Variants in SHROOM3 observed in about 807,000 individuals in gnomAD.
SHROOM3 encodes the protein protein Shroom3.
A neutral mutation model predicts 138.6 loss-of-function variants in SHROOM3; 47 were observed. The observed-to-expected ratio is 0.34, with a 90% CI of 0.27 to 0.43. The LOEUF is 0.43. SHROOM3 is among the 20% of genes least tolerant of loss of function. The pLI, the probability that SHROOM3 is intolerant of heterozygous loss-of-function variation, is 1.00. For missense variants in SHROOM3, 2,491 were observed against 2,596.5 expected, an observed-to-expected ratio of 0.96 and a Z score of 0.88; for synonymous variants, 1,062 against 1,063.3, an observed-to-expected ratio of 1.00 and a Z score of 0.02.
At chr4:76,528,544 C>CTTTTTTTTTTTTTTTTT (rs146962643) in intron 1 of SHROOM3, among the ~76,000 whole-genome samples, 5 of 103,450 alleles carry the variant, frequency 4.8e-5, no homozygotes, top group Admixed American at 2.2e-4. Flanking sequence ...ATCTTTCTTT[C>CTTTTTTTTTTTTTTTTT]TTTCTTTTTT....
rs1733474083 is a variant in SHROOM3 at position 76,555,836 on chromosome 4, G to T, written c.323+73G>T. Reference sequence around the variant, plus strand: ...TCTCTCCCTACCCTACCCCACCTCTGGGAAAAGAGCTCGGGGTTGGTAGCT... The same window carrying T: ...TCTCTCCCTACCCTACCCCACCTCTTGGAAAAGAGCTCGGGGTTGGTAGCT... On this transcript the variant is annotated intron_variant, in intron 2 of 10. Coordinates refer to ENST00000296043, the MANE Select transcript of SHROOM3 (RefSeq NM_020859.4). 5.2e-6 allele frequency: 8 copies of T among 1,542,420 alleles called. No homozygotes were observed. In the East Asian group the frequency reaches 1.6e-4, roughly 31 times the overall value.
intron 1 of SHROOM3, among the ~76,000 whole-genome samples, chr4:76,537,118 T>A (rs976512646): frequency 3.6e-4 from 55 of 151,892 alleles, no homozygotes; most frequent in African/African-American, 1.2e-3. Flanking sequence ...ATCTCAAAAA[T>A]AATAATAATA....
chr4:76,472,764 A>G (rs1731403493), intron 1 of SHROOM3, among the ~76,000 whole-genome samples: 1 of 151,504 alleles, frequency 6.6e-6, no homozygotes, highest in African/African-American at 2.4e-5. Flanking sequence ...GCGTGATCTC[A>G]GCTCACTGCA....
chr4:76,445,023 G>C (rs1224944041), intron 1 of SHROOM3, among the ~76,000 whole-genome samples: 1 of 151,804 alleles, frequency 6.6e-6, no homozygotes, highest in Non-Finnish European at 1.5e-5. Flanking sequence ...CTTGAGCCCA[G>C]GAGGTGGAGA....
intron 3 of SHROOM3, among the ~76,000 whole-genome samples, chr4:76,717,921 A>T (rs140822825): frequency 3.3e-5 from 5 of 152,216 alleles, no homozygotes; most frequent in Non-Finnish European, 7.3e-5. Flanking sequence ...TTATAATTCA[A>T]ATTCAACTTT....
rs930040928 is a variant in SHROOM3 at position 76,782,031 on chromosome 4, G to A, written c.*2854G>A. 5 of 152,194 alleles carry A rather than the reference G, an allele frequency of 3.3e-5. No individual in the cohort carries two copies. The highest frequency in any genetic ancestry group is 7.3e-5 in the Non-Finnish European group (5 of 68,042). The allele number at this position is 152,194 out of a possible 1,614,324, so 9.4% of individuals were successfully genotyped here. ...AGCCACCCGCAAGGTTCCAGGAAAG[G>A]ACAATGTCCTGCGAGAAAATCAGGA... is the stretch of plus-strand genomic sequence containing the variant. On this transcript the variant is annotated 3_prime_UTR_variant, in exon 11 of 11. Coordinates refer to ENST00000296043, the MANE Select transcript of SHROOM3 (RefSeq NM_020859.4).
intron 1 of SHROOM3, among the ~76,000 whole-genome samples, chr4:76,478,096 C>G (rs1016580587): frequency 6.6e-6 from 1 of 152,086 alleles, no homozygotes; most frequent in Non-Finnish European, 1.5e-5. Flanking sequence ...TTTTTCATAC[C>G]CCAGTGGTGC....
chr4:76,537,372 A>G (rs949857539), intron 1 of SHROOM3, among the ~76,000 whole-genome samples: 2 of 152,174 alleles, frequency 1.3e-5, no homozygotes, highest in Non-Finnish European at 2.9e-5. Context: ...AAGGCCAGTA[A>G]AAGTACTTGA....
At chr4:76,590,816 GT>G (rs1734257749) in intron 2 of SHROOM3, among the ~76,000 whole-genome samples, 1 of 151,968 alleles carries the variant, frequency 6.6e-6, no homozygotes, top group African/African-American at 2.4e-5. Context: ...AAAGTGGTCA[GT>G]TTTTTTGAGA....
intron 2 of SHROOM3, chr4:76,587,125 A>T (rs1363508936): frequency 6.6e-6 from 1 of 152,166 alleles, no homozygotes; most frequent in Non-Finnish European, 1.5e-5. Flanking sequence ...TGTGATTCTG[A>T]TTAATCCTTA....
chr4:76,776,142 GTT>G (rs904689668), intron 10 of SHROOM3, among the ~76,000 whole-genome samples: 29 of 152,044 alleles, frequency 1.9e-4, no homozygotes, highest in African/African-American at 6.5e-4. Flanking sequence ...ACATATATTA[GTT>G]TTTGATTATG....
At chr4:76,621,893 GA>G (rs1176287313) in intron 2 of SHROOM3, among the ~76,000 whole-genome samples, 1 of 148,448 alleles carries the variant, frequency 6.7e-6, no homozygotes, top group Non-Finnish European at 1.5e-5. Context: ...GCAATGACAC[GA>G]TCTCCGGCTC....
chr4:76,543,913 C>G (rs1344220727), intron 1 of SHROOM3, among the ~76,000 whole-genome samples: 1 of 152,198 alleles, frequency 6.6e-6, no homozygotes, highest in Non-Finnish European at 1.5e-5. Context: ...CACTGTTCAA[C>G]CAAACACCAA....
At chr4:76,463,734 C>T (rs1305543150) in intron 1 of SHROOM3, among the ~76,000 whole-genome samples, 6 of 152,222 alleles carry the variant, frequency 3.9e-5, no homozygotes, top group African/African-American at 1.4e-4. Context: ...GTGGCTGCTC[C>T]AGCTCCAGCC....
chr4:76,741,283 C>T lies in SHROOM3; in HGVS notation c.3110C>T (p.Pro1037Leu), dbSNP rs1410428592. Residue 1037 changes from proline (P) to leucine (L), a missense_variant, in exon 5 of 11, where the codon CCG becomes CTG. Pro to Leu is a moderately conservative substitution (Grantham distance 98). Coordinates refer to ENST00000296043, the MANE Select transcript of SHROOM3 (RefSeq NM_020859.4). The surrounding 1 kb of genome is among the most constrained non-coding windows in gnomAD (Gnocchi z 6.2). ...NEVGIVEEAE[P>L]APLGPQRNGM... ...GTGGGGATCGTGGAGGAGGCCGAAC[C>T]GGCACCCCTGGGCCCGCAGAGAAAT... The T allele has an allele frequency of 2.5e-6, 4 of 1,611,914 alleles. No individual in the cohort carries two copies. The highest frequency in any genetic ancestry group is 2.2e-5 in the East Asian group (1 of 44,858).
chr4:76,564,175 G>A (rs1021346528), intron 2 of SHROOM3, among the ~76,000 whole-genome samples: 1 of 152,176 alleles, frequency 6.6e-6, no homozygotes, highest in Non-Finnish European at 1.5e-5. Flanking sequence ...TTGGGCAAAG[G>A]GCTGGCAGAT....
intron 1 of SHROOM3, among the ~76,000 whole-genome samples, chr4:76,442,583 G>A (rs1730717397): frequency 6.6e-6 from 1 of 151,898 alleles, no homozygotes; most frequent in Admixed American, 6.6e-5. Context: ...CTAATTTTTT[G>A]TATTTTTAGT....
intron 3 of SHROOM3, among the ~76,000 whole-genome samples, chr4:76,723,201 T>G (rs1577996494): frequency 1.3e-5 from 2 of 152,224 alleles, no homozygotes; most frequent in Admixed American, 6.5e-5. Context: ...GCCTTCTGGC[T>G]GACTTCAGAC....
rs575311121 is a variant in SHROOM3, at chr4:76,565,295, C to T, written c.323+9532C>T. ...CCAGTTTTAAATTTGGATGCATCAG[C>T]TAGGACAGGTAAGTTTGGATGAGTC... On this transcript the variant is annotated intron_variant, in intron 2 of 10. Transcript: ENST00000296043. Among the ~76,000 whole-genome samples the T allele has an allele frequency of 2.0e-5, 3 of 151,926 alleles. No individual in the cohort carries two copies. The East Asian group carries it at 5.8e-4, about 29-fold the overall frequency.
Sources: gnomAD v4.1 joint callset for allele counts (sites outside exome capture counted in the v4.1 genomes callset) on GRCh38, gnomAD v4.1.1 for gene constraint, Gnocchi (gnomAD v3.1) non-coding constraint, MANE v1.5 for transcripts, NCBI Gene and HGNC (gene_info 2026-07-23, HGNC 2026-07-21) for gene names.